Variants in TTLL12 observed in about 807,000 individuals in gnomAD.
TTLL12 encodes tubulin tyrosine ligase like 12.
A neutral mutation model predicts 79.6 loss-of-function variants in TTLL12; 77 were observed. That is an observed-to-expected ratio of 0.97 (90% confidence interval 0.81 to 1.17). The LOEUF (loss-of-function observed/expected upper bound fraction) is 1.17. Among genes scored for constraint, TTLL12 ranks in the 50% most tolerant of loss-of-function variants. The probability of loss-of-function intolerance (pLI) is 0.00; values close to 1 mark genes in which losing one functional copy is unlikely to be tolerated. For missense variants in TTLL12, 969 were observed against 895.9 expected, an observed-to-expected ratio of 1.08 and a Z score of -1.04; for synonymous variants, 437 against 376.1, an observed-to-expected ratio of 1.16 and a Z score of -1.87.
chr22:43,167,431 C>T lies in TTLL12; in HGVS notation c.*577G>A. On this transcript the variant is annotated 3_prime_UTR_variant, in exon 14 of 14. Coordinates refer to ENST00000216129, the MANE Select transcript of TTLL12 (RefSeq NM_015140.4). ...GAGCTGGAATGGGTGATAAGGCGGG[C>T]TTGCTGGGTGGTGGCCTCAGGCTGT... 3.4e-6 allele frequency: 1 copy of T among 295,282 alleles called. No individual in the cohort carries two copies. Among genetic ancestry groups the T allele is most frequent in the Non-Finnish European group, 6.7e-6 (1 of 148,416 alleles). 18.3% of individuals were successfully genotyped at this position (295,282 alleles called of 1,614,324 possible).
chr22:43,171,691 G>A, intron 11 of TTLL12, 128 bp downstream of exon 11: 1 of 694,556 alleles, frequency 1.4e-6, no homozygotes, highest in East Asian at 2.6e-5. Context: ...TTCCATAGCA[G>A]GAACTCAGGA....
intron 3 of TTLL12, 72 bp downstream of exon 3, chr22:43,180,670 G>T: frequency 6.5e-7 from 1 of 1,537,382 alleles, no homozygotes; most frequent in South Asian, 1.2e-5. Context: ...CACCCGGCCT[G>T]ATGGCACAGG....
rs145668500 is a variant in TTLL12, at chr22:43,177,061, T to A, written c.841-665A>T. Among the ~76,000 whole-genome samples the A allele has an allele frequency of 4.8e-3, 728 of 152,264 alleles. 4 individuals carry two copies. The highest frequency in any genetic ancestry group is 7.5e-3 in the Non-Finnish European group (509 of 68,016). Reference sequence around the variant, plus strand: ...CGAGGGCTGTCGGGAGCTTCTGCAGTGTGATGATTTAAAACATGCCCACGT... The same window carrying A: ...CGAGGGCTGTCGGGAGCTTCTGCAGAGTGATGATTTAAAACATGCCCACGT... On this transcript the variant is annotated intron_variant, in intron 5 of 13. Coordinates refer to ENST00000216129, the MANE Select transcript of TTLL12 (RefSeq NM_015140.4).
chr22:43,168,567 CAG>C (rs930805662), intron 13 of TTLL12, among the ~76,000 whole-genome samples: 54 of 152,344 alleles, frequency 3.5e-4, no homozygotes, highest in African/African-American at 1.3e-3. Context: ...TCCCCCGACT[CAG>C]AGGCCCAACC....
chr22:43,185,225 C>G (rs1932148535), intron 1 of TTLL12, among the ~76,000 whole-genome samples: 1 of 136,186 alleles, frequency 7.3e-6, no homozygotes, highest in African/African-American at 2.8e-5. Context: ...AAGACTCCGT[C>G]TCAATTAAAA....
chr22:43,175,735 C>T (rs1423954072), intron 6 of TTLL12: 2 of 151,308 alleles, frequency 1.3e-5, no homozygotes, highest in African/African-American at 4.9e-5. Flanking sequence ...GTGGCCCGAT[C>T]TCAGTTCACT....
At chr22:43,173,613 T>A (rs2147068892) in intron 9 of TTLL12, 102 bp downstream of exon 9, 1 of 1,130,880 alleles carries the variant, frequency 8.8e-7, no homozygotes, top group African/African-American at 1.6e-5. Flanking sequence ...CTGCCCAGCC[T>A]GGACCTGTCC....
At position 43,174,307 on chromosome 22, in the gene TTLL12, C is replaced by A; in HGVS notation, c.1131G>T (p.Arg377=). The A allele has an allele frequency of 6.2e-7, 1 of 1,610,700 alleles. No individual in the cohort carries two copies. The change falls in exon 8 of 14, where the codon CGG becomes CGT. Residue 377 remains arginine (R), a synonymous_variant. Coordinates refer to ENST00000216129, the MANE Select transcript of TTLL12 (RefSeq NM_015140.4). The part of the protein sequence containing the change: ...VKDCLASIAR[R]AGGPEGPPWL... ...AGGGTGGGCCCTCGGGGCCACCTGC[C>A]CGGCGCGCGATGGAGGCCAGGCAGT...
intron 1 of TTLL12, chr22:43,186,083 CCT>C (rs1932176001): frequency 1.1e-6 from 1 of 919,806 alleles, no homozygotes; most frequent in East Asian, 1.2e-4. Context: ...GGCCCGGGTC[CCT>C]GTTCTTGGCT....
intron 1 of TTLL12, among the ~76,000 whole-genome samples, chr22:43,184,586 AGAGACAAGGCACCT>A (rs1330928317): frequency 6.6e-6 from 1 of 152,250 alleles, no homozygotes; most frequent in Non-Finnish European, 1.5e-5. Context: ...GGGTCACATG[AGAGACAAGGCACCT>A]GAGACAAGAG....
intron 11 of TTLL12, 126 bp from the exon 12 acceptor site, chr22:43,169,694 C>T (rs754510522): frequency 3.1e-6 from 3 of 952,430 alleles, no homozygotes; most frequent in Non-Finnish European, 4.9e-6. Context: ...AGGCAGCCAA[C>T]CCCGAACCCT....
chr22:43,168,115 G>T lies in TTLL12; in HGVS notation c.1828C>A (p.Pro610Thr). ...TACCTGCAGGCTCGCTCACAGTCGG[G>T]GTTGAAGTTCACCTCCAGGATCTGC... The part of the protein sequence containing the change: ...QPQILEVNFN[P>T]DCERACRYHP... Residue 610 changes from proline to threonine, a missense_variant, in exon 14 of 14, where the codon CCC becomes ACC. Pro to Thr is a conservative substitution (Grantham distance 38, BLOSUM62 -1). Transcript: ENST00000216129. 6.2e-7 allele frequency: 1 copy of T among 1,614,180 alleles called. No individual in the cohort carries two copies. Among genetic ancestry groups the T allele is most frequent in the South Asian group, 1.1e-5 (1 of 91,090 alleles).
At position 43,174,412 on chromosome 22, in the gene TTLL12, C is replaced by T. The variant is rs369399263; in HGVS notation, c.1035-9G>A. 1.9e-4 allele frequency: 303 copies of T among 1,558,924 alleles called. No homozygotes were observed. The highest frequency in any genetic ancestry group is 2.4e-4 in the Non-Finnish European group (280 of 1,148,096). Reference sequence around the variant, plus strand: ...TCTCCTGGCTGAGTTTCCTGCAGGGCGGAGGCAGGTGCGCCAGCTCAAGGG... The same window carrying T: ...TCTCCTGGCTGAGTTTCCTGCAGGGTGGAGGCAGGTGCGCCAGCTCAAGGG... On this transcript the variant is annotated splice_polypyrimidine_tract_variant and intron_variant, in intron 7 of 13. Coordinates refer to ENST00000216129, the MANE Select transcript of TTLL12 (RefSeq NM_015140.4).
chr22:43,172,666 C>A, intron 9 of TTLL12, 112 bp from the exon 10 acceptor site: 1 of 1,202,080 alleles, frequency 8.3e-7, no homozygotes, highest in Non-Finnish European at 1.2e-6. Context: ...ACTCCTCCTT[C>A]TGCCTTTTCA....
Position 43,183,055 on chromosome 22 carries a change from G to C in TTLL12, c.272C>G (p.Pro91Arg), listed in dbSNP as rs1311114774. 8 of 1,614,010 alleles carry C rather than the reference G, an allele frequency of 5.0e-6. No individual in the cohort carries two copies. Among genetic ancestry groups the C allele is most frequent in the Non-Finnish European group, 6.8e-6 (8 of 1,179,994 alleles). ...EAAREVRKQQ[P>R]NPGNELCYKV... ...GTAGCACAGCTCGTTCCCCGGGTTG[G>C]GCTGCTGCTTCCGCACCTCCCGGGC... The change falls in exon 2 of 14, where the codon CCC becomes CGC. Residue 91 changes from proline (P) to arginine (R), a missense_variant. By Grantham distance (103) the Pro-to-Arg change is moderately radical. Transcript: ENST00000216129.
intron 9 of TTLL12, 58 bp downstream of exon 9, chr22:43,173,657 A>G: frequency 6.5e-7 from 1 of 1,530,104 alleles, no homozygotes; most frequent in Non-Finnish European, 8.9e-7. Flanking sequence ...CCTTAGCCCC[A>G]CCTCTCACTG....
intron 6 of TTLL12, among the ~76,000 whole-genome samples, chr22:43,176,084 C>CA (rs1202781950): frequency 2.2e-3 from 299 of 138,866 alleles, no homozygotes; most frequent in Middle Eastern, 3.6e-3. Context: ...GACTCTGTCT[C>CA]AAAAAAAAAA....
At chr22:43,186,872 G>A (rs1463557662) in intron 1 of TTLL12, 21 bp downstream of exon 1, 8 of 1,256,172 alleles carry the variant, frequency 6.4e-6, no homozygotes, top group Non-Finnish European at 8.0e-6. Context: ...CGCCGCACGT[G>A]CCCGCCGCCC....
At chr22:43,185,252 TATATATA>T in intron 1 of TTLL12, among the ~76,000 whole-genome samples, 1 of 528 alleles carries the variant, frequency 1.9e-3, no homozygotes, top group Non-Finnish European at 4.1e-3. Context: ...AAAAATTATA[TATATATA>T]TATATATATA....
Sources: allele counts gnomAD v4.1 joint callset (sites outside exome capture counted in the v4.1 genomes callset), GRCh38; gene constraint gnomAD v4.1.1; transcripts MANE v1.5; gene names NCBI Gene and HGNC (gene_info 2026-07-23, HGNC 2026-07-21).